Variants in PTPRD observed in about 807,000 individuals in gnomAD.
The protein encoded by PTPRD is receptor-type tyrosine-protein phosphatase delta.
In PTPRD, 34 loss-of-function variants were observed where a neutral mutation model predicts 214.5. The observed-to-expected ratio is 0.16, with a 90% CI of 0.12 to 0.21. The LOEUF (loss-of-function observed/expected upper bound fraction) is 0.21. PTPRD is among the 10% of genes least tolerant of loss of function. The pLI is 1.00. For synonymous variants in PTPRD, 1,128 were observed against 845.7 expected (o/e 1.33, Z -5.79); for missense variants, 2,545 against 2,398.7 (o/e 1.06, Z -1.27).
intron 2 of PTPRD, among the ~76,000 whole-genome samples, chr9:10,607,806 T>C (rs996444971): frequency 6.6e-6 from 1 of 152,006 alleles, no homozygotes; most frequent in Admixed American, 6.6e-5. Context: ...ATATTCCTTC[T>C]TTGTATTCAT....
At chr9:8,831,936 C>A (rs996108962) in intron 11 of PTPRD, among the ~76,000 whole-genome samples, 5 of 151,942 alleles carry the variant, frequency 3.3e-5, no homozygotes, top group African/African-American at 1.2e-4. Context: ...GAAATGGGTA[C>A]AAGTTGTAAT....
chr9:8,344,404 G>A (rs571265315), intron 39 of PTPRD, among the ~76,000 whole-genome samples: 2 of 151,794 alleles, frequency 1.3e-5, no homozygotes, highest in South Asian at 4.2e-4. Flanking sequence ...TGCAAAATTG[G>A]TAGGAATAAC....
intron 3 of PTPRD, among the ~76,000 whole-genome samples, chr9:10,233,706 C>G (rs1486094377): frequency 6.6e-6 from 1 of 151,918 alleles, no homozygotes; most frequent in African/African-American, 2.4e-5. Context: ...ATTGGGAAAG[C>G]TTAAGCTAAC....
At chr9:8,368,357 G>A (rs2080531136) in intron 39 of PTPRD, among the ~76,000 whole-genome samples, 1 of 152,110 alleles carries the variant, frequency 6.6e-6, no homozygotes, top group African/African-American at 2.4e-5. Context: ...GAGATGCTCT[G>A]TAAACAGTCA....
Position 9,923,878 on chromosome 9 carries a change from C to A in PTPRD, c.-368+14629G>T, listed in dbSNP as rs1386894935. On this transcript the variant is annotated intron_variant, in intron 5 of 45. Transcript: ENST00000381196. Reference sequence around the variant, plus strand: ...TGCGATCTAGGAACAAGAAGTCCAACAGAGAAAAACAAAGACAGGGAGTCT... The same window carrying A: ...TGCGATCTAGGAACAAGAAGTCCAAAAGAGAAAAACAAAGACAGGGAGTCT... 4.6e-5 allele frequency among the ~76,000 whole-genome samples: 7 copies of A among 151,824 alleles called. No homozygotes were observed. The East Asian group carries it at 5.8e-4, about 13-fold the overall frequency.
intron 3 of PTPRD, among the ~76,000 whole-genome samples, chr9:10,079,381 G>T (rs973806488): frequency 2.0e-5 from 3 of 152,074 alleles, no homozygotes; most frequent in Admixed American, 1.3e-4. Context: ...ACTAAAATAT[G>T]TATTGGCAGG....
intron 3 of PTPRD, among the ~76,000 whole-genome samples, chr9:10,149,598 C>T (rs966703344): frequency 7.2e-5 from 11 of 152,102 alleles, no homozygotes; most frequent in African/African-American, 2.7e-4. Context: ...AATTCTAGAC[C>T]TTTGGTATAT....
At chr9:10,096,920 T>TG (rs2098494869) in intron 3 of PTPRD, among the ~76,000 whole-genome samples, 1 of 151,560 alleles carries the variant, frequency 6.6e-6, no homozygotes, top group African/African-American at 2.4e-5. Context: ...TTTTTTAAGA[T>TG]GTAAGGAAGG....
intron 4 of PTPRD, among the ~76,000 whole-genome samples, chr9:10,016,673 G>GTT (rs371944242): frequency 1.3e-5 from 2 of 148,234 alleles, no homozygotes; most frequent in South Asian, 2.1e-4. Flanking sequence ...CCTGTGGGTT[G>GTT]TTTTTTTTTT....
At chr9:8,504,448 T>C (rs2097493569) in intron 22 of PTPRD, 43 bp from the exon 23 acceptor site, 1 of 1,608,370 alleles carries the variant, frequency 6.2e-7, no homozygotes, top group Non-Finnish European at 8.5e-7. Context: ...TTAAGGTTCA[T>C]GCAAATACTT....
At chr9:9,816,990 C>G (rs2761744) in intron 5 of PTPRD, among the ~76,000 whole-genome samples, 1 of 151,660 alleles carries the variant, frequency 6.6e-6, no homozygotes, top group South Asian at 2.1e-4. Context: ...ATTTTATATA[C>G]GTAACTACAG....
chr9:10,156,325 G>A (rs559495859), intron 3 of PTPRD, among the ~76,000 whole-genome samples: 1 of 152,174 alleles, frequency 6.6e-6, no homozygotes, highest in African/African-American at 2.4e-5. Context: ...AGAGATTCTG[G>A]TGTGTTGTAT....
intron 3 of PTPRD, among the ~76,000 whole-genome samples, chr9:10,202,588 G>T (rs2099430485): frequency 6.7e-6 from 1 of 148,760 alleles, no homozygotes; most frequent in African/African-American, 2.5e-5. Flanking sequence ...GATTTAAATA[G>T]TCATTTAGGA....
chr9:9,512,551 C>G (rs903111737), intron 8 of PTPRD, among the ~76,000 whole-genome samples: 2 of 151,850 alleles, frequency 1.3e-5, no homozygotes, highest in African/African-American at 4.8e-5. Context: ...GCTTTCCAAT[C>G]AAAAACGTTA....
chr9:9,301,443 T>C lies in PTPRD; in HGVS notation c.-203+96006A>G, dbSNP rs185801688. ...GATGGTGGCACAGAACTAGACTGAG[T>C]ACTTACTTTAAACAGTGAGAAGCAT... On this transcript the variant is annotated intron_variant, in intron 9 of 45. Transcript: ENST00000381196. Among the ~76,000 whole-genome samples, 3 of 151,904 alleles carry C rather than the reference T, an allele frequency of 2.0e-5. No homozygotes were observed. The East Asian group carries it at 5.8e-4, about 30-fold the overall frequency.
chr9:8,632,472 T>C (rs934155349), intron 14 of PTPRD, among the ~76,000 whole-genome samples: 12 of 151,782 alleles, frequency 7.9e-5, no homozygotes, highest in African/African-American at 2.4e-4. Context: ...CAGAGGAAAA[T>C]ACAACAAAAC....
At chr9:8,669,068 T>C (rs1596477499) in intron 12 of PTPRD, among the ~76,000 whole-genome samples, 1 of 152,122 alleles carries the variant, frequency 6.6e-6, no homozygotes, top group African/African-American at 2.4e-5. Flanking sequence ...CTCCTCTCTA[T>C]GGGAAAGGGG....
At chr9:10,108,941 G>A (rs1433431064) in intron 3 of PTPRD, among the ~76,000 whole-genome samples, 1 of 151,568 alleles carries the variant, frequency 6.6e-6, no homozygotes, top group African/African-American at 2.4e-5. Flanking sequence ...TGTTGAGAAA[G>A]TCCTTTCCAG....
intron 3 of PTPRD, among the ~76,000 whole-genome samples, chr9:10,282,794 C>T (rs1437432117): frequency 1.3e-5 from 2 of 151,996 alleles, no homozygotes; most frequent in Non-Finnish European, 2.9e-5. Flanking sequence ...AATATGCCAG[C>T]TGTAAGAGAA....
Sources: allele counts gnomAD v4.1 joint callset (sites outside exome capture counted in the v4.1 genomes callset), GRCh38; gene constraint gnomAD v4.1.1; transcripts MANE v1.5; gene names NCBI Gene and HGNC (gene_info 2026-07-23, HGNC 2026-07-21).